BBOX1: variants seen among roughly 807,000 people sequenced by gnomAD.
BBOX1 encodes gamma-butyrobetaine dioxygenase.
In BBOX1, 35 loss-of-function variants were observed where a neutral mutation model predicts 41.6. The observed-to-expected ratio is 0.84, with a 90% confidence interval of 0.64 to 1.11. The LOEUF (loss-of-function observed/expected upper bound fraction) is 1.11. BBOX1 is among the 50% of genes most tolerant of loss of function. The probability of loss-of-function intolerance (pLI) is 0.00; values close to 1 mark genes in which losing one functional copy is unlikely to be tolerated. For synonymous variants in BBOX1, 163 were observed against 154.7 expected (o/e 1.05, Z -0.40); for missense variants, 458 against 460.6 (o/e 0.99, Z 0.05).
At chr11:27,119,614 A>G in intron 6 of BBOX1, 35 bp from the exon 7 acceptor site, 1 of 1,136,420 alleles carries the variant, frequency 8.8e-7, no homozygotes, top group Non-Finnish European at 1.2e-6. Context: ...ATGTAATTTA[A>G]TATTTATTTA....
rs890106041 is a variant in BBOX1, at chr11:27,117,383, G to A, written c.639+1826G>A. ...CATGTTATAAATTATTTTGTTGATT[G>A]TAAAATACCACATGATTTCTTTGAA... is the stretch of plus-strand genomic sequence containing the variant. On this transcript the variant is annotated intron_variant, in intron 6 of 8. Coordinates refer to ENST00000263182, the MANE Select transcript of BBOX1 (RefSeq NM_003986.3). Among the ~76,000 whole-genome samples, 5 of 151,992 alleles carry A rather than the reference G, an allele frequency of 3.3e-5. No individual in the cohort carries two copies. In the East Asian group the frequency reaches 7.7e-4, roughly 24 times the overall value.
chr11:27,096,251 C>T lies in BBOX1; in HGVS notation c.533+2885C>T, dbSNP rs887250456. 2.0e-5 allele frequency among the ~76,000 whole-genome samples: 3 copies of T among 152,046 alleles called. No individual in the cohort carries two copies. The East Asian group carries it at 5.8e-4, about 29-fold the overall frequency. ...GTGCCTGGATATGACATCTTCAGAA[C>T]AGACTCAGTAGCTGCCTTAAACAAT... On this transcript the variant is annotated intron_variant, in intron 5 of 8. Coordinates refer to ENST00000263182, the MANE Select transcript of BBOX1 (RefSeq NM_003986.3).
chr11:27,125,706 G>A lies in BBOX1; in HGVS notation c.889G>A (p.Asp297Asn). Residue 297 changes from aspartate (D) to asparagine (N), a missense_variant, in exon 8 of 9, where the codon GAC becomes AAC. Coordinates refer to ENST00000263182, the MANE Select transcript of BBOX1 (RefSeq NM_003986.3). ...VRINFNNATR[D>N]TIFDVPVERV... The stretch of plus-strand genomic sequence containing the variant: ...CATCAACTTCAATAACGCAACTAGG[G>A]ACACAATATTTGATGTGCCTGTTGA... The A allele has an allele frequency of 6.2e-7, 1 of 1,609,624 alleles. No homozygotes were observed. Among genetic ancestry groups the A allele is most frequent in the African/African-American group, 1.3e-5 (1 of 74,866 alleles).
chr11:27,104,731 T>C (rs1456151524), intron 5 of BBOX1, among the ~76,000 whole-genome samples: 1 of 152,114 alleles, frequency 6.6e-6, no homozygotes, highest in East Asian at 1.9e-4. Context: ...TCTGACAGCT[T>C]TGAAGAGAGT....
chr11:27,075,159 G>A (rs1857592266), intron 4 of BBOX1, among the ~76,000 whole-genome samples: 1 of 152,084 alleles, frequency 6.6e-6, no homozygotes, highest in Non-Finnish European at 1.5e-5. Context: ...TTCCCCTGAA[G>A]GATGTGACTT....
chr11:27,075,256 G>A (rs1471846588), intron 4 of BBOX1, among the ~76,000 whole-genome samples: 2 of 152,100 alleles, frequency 1.3e-5, no homozygotes, highest in Non-Finnish European at 2.9e-5. Flanking sequence ...TATAGTCTTT[G>A]TATGATGACT....
At chr11:27,091,910 T>A (rs1326546823) in intron 4 of BBOX1, among the ~76,000 whole-genome samples, 1 of 152,004 alleles carries the variant, frequency 6.6e-6, no homozygotes, top group East Asian at 1.9e-4. Context: ...ACTGCTGTGC[T>A]TAATAACCCA....
chr11:27,085,555 A>ATCTCTCTCTCTC lies in BBOX1; in HGVS notation c.335-7583_335-7572dup, dbSNP rs59696795. On this transcript the variant is annotated intron_variant, in intron 4 of 8. Coordinates refer to ENST00000263182, the MANE Select transcript of BBOX1 (RefSeq NM_003986.3). ...CTTTACTGTCCAGCCACATTCCCCCATCTCTCTCTCTCTCTCTCTCTCTCT... is the reference window on the plus strand; with the variant it reads ...CTTTACTGTCCAGCCACATTCCCCCATCTCTCTCTCTCTCTCTCTCTCTCTCTCTCTCTCTCT... 3.3e-3 allele frequency among the ~76,000 whole-genome samples: 448 copies of ATCTCTCTCTCTC among 134,798 alleles called. 7 individuals carry two copies. Among genetic ancestry groups the ATCTCTCTCTCTC allele is most frequent in the African/African-American group, 3.9e-3 (147 of 37,992 alleles). 88.4% of individuals were successfully genotyped at this position (134,798 alleles called of 152,430 possible).
chr11:27,059,339 G>A (rs561051250), intron 4 of BBOX1, among the ~76,000 whole-genome samples: 1 of 152,358 alleles, frequency 6.6e-6, no homozygotes, highest in Admixed American at 6.5e-5. Flanking sequence ...GATGTATTAT[G>A]TTGGTGCAAA....
At chr11:27,084,822 T>C (rs191602596) in intron 4 of BBOX1, among the ~76,000 whole-genome samples, 110 of 152,254 alleles carry the variant, frequency 7.2e-4, no homozygotes, top group Middle Eastern at 6.8e-3. Context: ...CTTGTGCAAA[T>C]GGTTCCTTGA....
chr11:27,125,965 T>C (rs1859636039), intron 8 of BBOX1, 145 bp downstream of exon 8: 1 of 784,730 alleles, frequency 1.3e-6, no homozygotes, highest in Non-Finnish European at 2.0e-6. Context: ...GACTTGCTTA[T>C]GTAGTGGACT....
At chr11:27,118,360 G>A (rs17309677) in intron 6 of BBOX1, among the ~76,000 whole-genome samples, 5,075 of 152,056 alleles carry the variant, frequency 0.033, 129 homozygotes, top group South Asian at 0.11. Flanking sequence ...ATTATTCCAG[G>A]TGAGTTGTGC....
intron 4 of BBOX1, among the ~76,000 whole-genome samples, chr11:27,060,362 A>G (rs1477905476): frequency 6.6e-6 from 1 of 152,056 alleles, no homozygotes; most frequent in Non-Finnish European, 1.5e-5. Flanking sequence ...GCCTCCCCAA[A>G]AGCCAAGCAG....
intron 4 of BBOX1, among the ~76,000 whole-genome samples, chr11:27,086,471 C>G (rs1281241198): frequency 6.6e-6 from 1 of 152,130 alleles, no homozygotes; most frequent in East Asian, 1.9e-4. Context: ...CTATTTACAG[C>G]ATGGCTTACT....
chr11:27,067,002 C>A (rs533795800), intron 4 of BBOX1, among the ~76,000 whole-genome samples: 36 of 152,142 alleles, frequency 2.4e-4, no homozygotes, highest in Admixed American at 1.0e-3. Flanking sequence ...GAGCAACTTA[C>A]TTAACCTTTC....
intron 8 of BBOX1, among the ~76,000 whole-genome samples, chr11:27,126,125 T>C (rs1206368582): frequency 6.6e-6 from 1 of 152,244 alleles, no homozygotes. Context: ...AAGTAGTACC[T>C]AAAGTATTCC....
intron 7 of BBOX1, among the ~76,000 whole-genome samples, chr11:27,123,815 G>A (rs1859550544): frequency 6.6e-6 from 1 of 152,160 alleles, no homozygotes; most frequent in Admixed American, 6.5e-5. Context: ...TTATGTGAAA[G>A]CATGTGGAAG....
intron 4 of BBOX1, among the ~76,000 whole-genome samples, chr11:27,070,569 T>A (rs1436975611): frequency 6.6e-6 from 1 of 152,180 alleles, no homozygotes; most frequent in Non-Finnish European, 1.5e-5. Context: ...TAATCTGATA[T>A]AAAAATAGCT....
chr11:27,125,669 C>T lies in BBOX1; in HGVS notation c.852C>T (p.Gly284=), dbSNP rs145226566. 1.3e-5 allele frequency: 21 copies of T among 1,568,588 alleles called. No individual in the cohort carries two copies. Among genetic ancestry groups the T allele is most frequent in the Admixed American group, 1.1e-4 (6 of 53,724 alleles). The change falls in exon 8 of 9, where the codon GGC becomes GGT. Residue 284 remains glycine (G), a synonymous_variant. Coordinates refer to ENST00000263182, the MANE Select transcript of BBOX1 (RefSeq NM_003986.3). Reference sequence around the variant, plus strand: ...AATAAAACAGGTTAGATGATAAAGGCCAAGTGGTTCGCATCAACTTCAATA... The same window carrying T: ...AATAAAACAGGTTAGATGATAAAGGTCAAGTGGTTCGCATCAACTTCAATA... ...KHKIIELDDK[G]QVVRINFNNA... is the part of the protein sequence containing the mutation.
Sources: gnomAD v4.1 joint callset for allele counts (sites outside exome capture counted in the v4.1 genomes callset) on GRCh38, gnomAD v4.1.1 for gene constraint, MANE v1.5 for transcripts, NCBI Gene and HGNC (gene_info 2026-07-23, HGNC 2026-07-21) for gene names.